The following DLGAP2 variants were observed in gnomAD, a reference collection of about 807,000 sequenced individuals.
DLGAP2 encodes DLG associated protein 2.
DLGAP2 carries 26 observed loss-of-function variants against 100.3 expected under a neutral mutation model. The observed-to-expected ratio is 0.26, with a 90% CI of 0.19 to 0.36. The LOEUF (loss-of-function observed/expected upper bound fraction) is 0.36, where lower values mean the gene tolerates loss of function less well. Among genes scored for constraint, DLGAP2 ranks in the 10% least tolerant of loss-of-function variants. DLGAP2 has a pLI of 1.00. For synonymous variants in DLGAP2, 886 were observed against 630.1 expected (o/e 1.41, Z -6.08); for missense variants, 1,858 against 1,453.2 (o/e 1.28, Z -4.53).
intron 3 of DLGAP2, among the ~76,000 whole-genome samples, chr8:1,265,453 G>A (rs77564957): frequency 0.026 from 4,026 of 152,286 alleles, 76 homozygotes; most frequent in Non-Finnish European, 0.04. Context: ...ATCAAGTTGC[G>A]TGGAAGATGG....
At chr8:1,374,183 G>GTAGT (rs58728351) in intron 3 of DLGAP2, among the ~76,000 whole-genome samples, 16 of 150,702 alleles carry the variant, frequency 1.1e-4, no homozygotes, top group East Asian at 8.0e-4. Flanking sequence ...AGAGGGCTGT[G>GTAGT]GTGGAGGTTA....
At chr8:797,911 T>C (rs1796067418) in intron 1 of DLGAP2, among the ~76,000 whole-genome samples, 3 of 152,166 alleles carry the variant, frequency 2.0e-5, no homozygotes, top group Admixed American at 2.0e-4. Flanking sequence ...CCACCACACC[T>C]GGCTAATTTT....
intron 5 of DLGAP2, among the ~76,000 whole-genome samples, chr8:1,549,927 C>T (rs897192753): frequency 3.9e-5 from 6 of 152,322 alleles, no homozygotes; most frequent in African/African-American, 7.2e-5. Flanking sequence ...CTATTCAATA[C>T]GTGGTTGTTA....
intron 12 of DLGAP2, chr8:1,678,860 T>G: frequency 4.3e-6 from 2 of 468,446 alleles, no homozygotes; most frequent in Non-Finnish European, 3.6e-6. Flanking sequence ...GTCAGGTAAG[T>G]TGAATAGAAA....
intron 4 of DLGAP2, among the ~76,000 whole-genome samples, chr8:1,546,297 G>A (rs778700779): frequency 1.3e-5 from 2 of 152,184 alleles, no homozygotes; most frequent in Non-Finnish European, 2.9e-5. Flanking sequence ...GAATATGCAG[G>A]AGCAATCCCT....
rs545714200 is a variant in DLGAP2 at position 1,503,693 on chromosome 8, C to G, written c.172+2262C>G. Among the ~76,000 whole-genome samples the G allele has an allele frequency of 3.1e-4, 47 of 152,278 alleles. No homozygotes were observed. In the South Asian group the frequency reaches 7.3e-3, roughly 24 times the overall value. On this transcript the variant is annotated intron_variant, in intron 4 of 14. Coordinates refer to ENST00000637795, the MANE Select transcript of DLGAP2 (RefSeq NM_001346810.2). The stretch of plus-strand genomic sequence containing the variant: ...TTCCTCGTTTTGAGGAACCTCCACA[C>G]TGCTTAGGGACAGGGTGTGCTTTGC...
intron 3 of DLGAP2, among the ~76,000 whole-genome samples, chr8:1,275,831 A>AATATATAATATATAAGT (rs1799673957): frequency 1.5e-5 from 1 of 64,834 alleles, no homozygotes; most frequent in East Asian, 4.1e-4. Context: ...TATAAAAATA[A>AATATATAATATATAAGT]ATATATAATA....
intron 1 of DLGAP2, among the ~76,000 whole-genome samples, chr8:892,475 C>T (rs1798055640): frequency 2.0e-5 from 3 of 152,096 alleles, no homozygotes; most frequent in African/African-American, 4.8e-5. Context: ...TGACTCCACT[C>T]ATACAATGCC....
In DLGAP2 at chr8:1,151,775, T is replaced by C. The variant is rs886854097; in HGVS notation, c.74-107076T>C. The stretch of plus-strand genomic sequence containing the variant: ...CCAGGATCAGGCATTTAGGTTGTTC[T>C]GTTTACACGAACTACTCTTTGTACT... On this transcript the variant is annotated intron_variant, in intron 2 of 14. Coordinates refer to ENST00000637795, the MANE Select transcript of DLGAP2 (RefSeq NM_001346810.2). Among the ~76,000 whole-genome samples, 4 of 152,270 alleles carry C rather than the reference T, an allele frequency of 2.6e-5. No homozygotes were observed. The East Asian group carries it at 7.7e-4, about 29-fold the overall frequency.
chr8:940,739 A>G (rs1479624430), intron 2 of DLGAP2, among the ~76,000 whole-genome samples: 1 of 152,192 alleles, frequency 6.6e-6, no homozygotes, highest in Non-Finnish European at 1.5e-5. Context: ...AAAATTTAAA[A>G]TAGTTTTCTG....
intron 2 of DLGAP2, among the ~76,000 whole-genome samples, chr8:1,177,857 T>G (rs1797295050): frequency 6.6e-6 from 1 of 152,236 alleles, no homozygotes; most frequent in South Asian, 2.1e-4. Flanking sequence ...CCCCACCTCA[T>G]AATACCACCA....
intron 4 of DLGAP2, among the ~76,000 whole-genome samples, chr8:1,510,072 A>C (rs1800106991): frequency 6.6e-6 from 1 of 152,260 alleles, no homozygotes; most frequent in Admixed American, 6.5e-5. Flanking sequence ...CTGTAATTTT[A>C]GATTCTGAAG....
intron 3 of DLGAP2, among the ~76,000 whole-genome samples, chr8:1,354,585 G>A (rs1222109869): frequency 2.7e-5 from 4 of 150,770 alleles, no homozygotes; most frequent in African/African-American, 7.3e-5. Context: ...GATGCTGTGG[G>A]TGAAGGTGGA....
chr8:1,548,918 C>A lies in DLGAP2; in HGVS notation c.465C>A (p.His155Gln), dbSNP rs761257692. 1.8e-5 allele frequency: 29 copies of A among 1,597,990 alleles called. No homozygotes were observed. Among genetic ancestry groups the A allele is most frequent in the Non-Finnish European group, 2.3e-5 (27 of 1,179,048 alleles). The change falls in exon 5 of 15, where the codon CAC becomes CAA. Residue 155 changes from histidine (H) to glutamine (Q), a missense_variant. Transcript: ENST00000637795. ...CVMMPVVLGD[H>Q]VSSSTFPRMH... ...TGATGCCGGTGGTGCTGGGCGACCA[C>A]GTGTCCAGCAGCACCTTCCCGCGGA...
intron 8 of DLGAP2, among the ~76,000 whole-genome samples, chr8:1,637,450 G>A (rs940539495): frequency 1.3e-5 from 2 of 151,952 alleles, no homozygotes; most frequent in African/African-American, 4.8e-5. Context: ...TCAGGTCATA[G>A]CTTTCCATAA....
At chr8:1,326,346 A>C (rs1801020127) in intron 3 of DLGAP2, among the ~76,000 whole-genome samples, 1 of 152,378 alleles carries the variant, frequency 6.6e-6, no homozygotes, top group Non-Finnish European at 1.5e-5. Flanking sequence ...GAACTAAAAA[A>C]GTACTTTAAT....
intron 1 of DLGAP2, among the ~76,000 whole-genome samples, chr8:778,493 T>C (rs1339269026): frequency 6.6e-6 from 1 of 152,234 alleles, no homozygotes; most frequent in Non-Finnish European, 1.5e-5. Flanking sequence ...ACTTTTGGTC[T>C]TTGATGATGG....
chr8:1,431,312 T>G (rs1797427252), intron 3 of DLGAP2, among the ~76,000 whole-genome samples: 2 of 152,212 alleles, frequency 1.3e-5, no homozygotes, highest in South Asian at 4.1e-4. Flanking sequence ...CTCACTAAAT[T>G]TAATGTTTAG....
rs563178015 is a variant in DLGAP2 at position 1,428,504 on chromosome 8, T to G, written c.107-72862T>G. 2.6e-5 allele frequency among the ~76,000 whole-genome samples: 4 copies of G among 152,270 alleles called. No homozygotes were observed. In the East Asian group the frequency reaches 7.7e-4, roughly 29 times the overall value. On this transcript the variant is annotated intron_variant, in intron 3 of 14. Coordinates refer to ENST00000637795, the MANE Select transcript of DLGAP2 (RefSeq NM_001346810.2). Reference sequence around the variant, plus strand: ...CTTGGCTAACATGAGAATGATATATTCTTGGTAACAAAACAGGCCAAGGAC... The same window carrying G: ...CTTGGCTAACATGAGAATGATATATGCTTGGTAACAAAACAGGCCAAGGAC...
Sources: gnomAD v4.1 joint callset for allele counts (sites outside exome capture counted in the v4.1 genomes callset) on GRCh38, gnomAD v4.1.1 for gene constraint, MANE v1.5 for transcripts, NCBI Gene and HGNC (gene_info 2026-07-23, HGNC 2026-07-21) for gene names.